Variants in ROBO2 observed in about 807,000 individuals in gnomAD.
ROBO2 encodes the protein roundabout guidance receptor 2.
In ROBO2, 53 loss-of-function variants were observed where a neutral mutation model predicts 160.8. That is an observed-to-expected ratio of 0.33 (90% CI 0.26 to 0.41). ROBO2 has a LOEUF of 0.41. Among genes scored for constraint, ROBO2 ranks in the 10% least tolerant of loss-of-function variants. ROBO2 has a pLI of 1.00. For synonymous variants in ROBO2, 664 were observed against 611.7 expected (o/e 1.09, Z -1.26); for missense variants, 1,577 against 1,722.4 (o/e 0.92, Z 1.49).
chr3:77,048,428 A>G (rs1210146179), intron 1 of ROBO2, among the ~76,000 whole-genome samples: 1 of 152,178 alleles, frequency 6.6e-6, no homozygotes, highest in African/African-American at 2.4e-5. Context: ...CGACGAATGA[A>G]GATAGTAAAC....
At chr3:76,440,728 T>C (rs1194596009) in intron 2 of ROBO2, among the ~76,000 whole-genome samples, 1 of 152,078 alleles carries the variant, frequency 6.6e-6, no homozygotes, top group Non-Finnish European at 1.5e-5. Flanking sequence ...ACTTTCTGCT[T>C]GCCCTAACAA....
chr3:77,344,709 T>C (rs925623700), intron 2 of ROBO2, among the ~76,000 whole-genome samples: 2 of 152,102 alleles, frequency 1.3e-5, no homozygotes, highest in African/African-American at 4.8e-5. Flanking sequence ...AGATAAAAAA[T>C]AGTAAGATCA....
At chr3:77,594,063 A>G (rs1456212929) in intron 17 of ROBO2, among the ~76,000 whole-genome samples, 2 of 152,128 alleles carry the variant, frequency 1.3e-5, no homozygotes, top group African/African-American at 4.8e-5. Context: ...TGCAAGCTGT[A>G]CACTTCTAAA....
At chr3:76,362,945 G>A (rs746705082) in intron 2 of ROBO2, among the ~76,000 whole-genome samples, 1 of 151,916 alleles carries the variant, frequency 6.6e-6, no homozygotes, top group South Asian at 2.1e-4. Context: ...CTAGTCTTGG[G>A]GCAGGTCAGG....
intron 2 of ROBO2, among the ~76,000 whole-genome samples, chr3:77,287,968 T>C (rs1162835290): frequency 3.3e-5 from 5 of 152,188 alleles, no homozygotes; most frequent in Admixed American, 6.5e-5. Flanking sequence ...AGTTGGCTAT[T>C]AGATCTTCAT....
chr3:76,327,994 G>T (rs1323863257), intron 2 of ROBO2, among the ~76,000 whole-genome samples: 1 of 151,992 alleles, frequency 6.6e-6, no homozygotes, highest in Non-Finnish European at 1.5e-5. Flanking sequence ...GCCCTAGATG[G>T]GTTAAATGTG....
rs1175804890 is a variant in ROBO2 at position 76,555,431 on chromosome 3, G to A, written c.110-542583G>A. ...AAGAAGAAGAAGAAAGAAGGAGAAG[G>A]GGAAGGGGAAGAGGAAGAGGAAGAG... On this transcript the variant is annotated intron_variant, in intron 2 of 26. Coordinates refer to the ROBO2 transcript ENST00000487694. Among the ~76,000 whole-genome samples the A allele has an allele frequency of 8.4e-3, 533 of 63,486 alleles. 7 individuals carry two copies. Among genetic ancestry groups the A allele is most frequent in the African/African-American group, 0.025 (500 of 19,802 alleles). 41.6% of individuals were successfully genotyped at this position (63,486 alleles called of 152,430 possible). A position where few individuals can be genotyped will look rare whatever the true frequency, so the allele number is the denominator to read the frequency against.
intron 2 of ROBO2, among the ~76,000 whole-genome samples, chr3:76,341,434 A>C (rs1472909698): frequency 2.7e-5 from 4 of 150,456 alleles, no homozygotes; most frequent in Admixed American, 2.0e-4. Flanking sequence ...AAAAAAAAAA[A>C]AAAAAAAGGA....
chr3:76,490,205 G>A (rs558173392), intron 2 of ROBO2, among the ~76,000 whole-genome samples: 2 of 152,200 alleles, frequency 1.3e-5, no homozygotes, highest in South Asian at 2.1e-4. Context: ...GCTAAAGGAT[G>A]GATCCCCATC....
chr3:76,465,307 G>A (rs964544230), intron 2 of ROBO2, among the ~76,000 whole-genome samples: 3 of 151,896 alleles, frequency 2.0e-5, no homozygotes, highest in South Asian at 2.1e-4. Flanking sequence ...ATGTTAAAAC[G>A]TACATTTCAC....
At position 76,127,760 on chromosome 3, in the gene ROBO2, A is replaced by G. The variant is rs115650880; in HGVS notation, c.109+190158A>G. On this transcript the variant is annotated intron_variant, in intron 2 of 26. Transcript: ENST00000487694. ...ACACTTATAGGCTATGACTTCTTAT[A>G]GGTATAATTACTTTATTACATCAAT... Among the ~76,000 whole-genome samples the G allele has an allele frequency of 3.1e-3, 472 of 152,234 alleles. 2 individuals carry two copies. Among genetic ancestry groups the G allele is most frequent in the African/African-American group, 0.011 (450 of 41,560 alleles).
At chr3:76,269,221 T>TTTA (rs768696781) in intron 2 of ROBO2, among the ~76,000 whole-genome samples, 6 of 152,066 alleles carry the variant, frequency 3.9e-5, no homozygotes, top group Non-Finnish European at 7.4e-5. Context: ...GGATACCCCA[T>TTTA]TTACTCTAAT....
intron 2 of ROBO2, among the ~76,000 whole-genome samples, chr3:77,476,996 A>G (rs2153584924): frequency 6.6e-6 from 1 of 152,220 alleles, no homozygotes; most frequent in African/African-American, 2.4e-5. Context: ...ACTTTCCCTC[A>G]CAGATCATTA....
intron 1 of ROBO2, among the ~76,000 whole-genome samples, chr3:75,927,876 A>G (rs181474533): frequency 4.5e-4 from 69 of 152,084 alleles, no homozygotes; most frequent in African/African-American, 1.4e-3. Flanking sequence ...TGGAGTCTGT[A>G]TAGAAAAAGT....
intron 1 of ROBO2, among the ~76,000 whole-genome samples, chr3:77,096,043 T>G (rs1023169015): frequency 9.2e-5 from 14 of 152,152 alleles, no homozygotes; most frequent in African/African-American, 3.4e-4. Context: ...TAAGAGTTAT[T>G]CCTCTTCAAA....
At chr3:76,816,440 C>A (rs907660782) in intron 2 of ROBO2, among the ~76,000 whole-genome samples, 2 of 151,916 alleles carry the variant, frequency 1.3e-5, no homozygotes, top group East Asian at 3.9e-4. Flanking sequence ...ATCAAGAGAG[C>A]CAAAGCGTGT....
chr3:75,942,798 T>C (rs1361430832), intron 2 of ROBO2, among the ~76,000 whole-genome samples: 1 of 152,182 alleles, frequency 6.6e-6, no homozygotes, highest in Non-Finnish European at 1.5e-5. Flanking sequence ...AAAGACAGTA[T>C]ACTTTTGATT....
At chr3:76,737,144 A>G (rs560127398) in intron 2 of ROBO2, among the ~76,000 whole-genome samples, 2 of 152,352 alleles carry the variant, frequency 1.3e-5, no homozygotes, top group East Asian at 1.9e-4. Context: ...GGAAACTAAT[A>G]TAGTGTTTTT....
At chr3:77,488,974 G>T (rs938529885) in intron 4 of ROBO2, among the ~76,000 whole-genome samples, 2 of 152,146 alleles carry the variant, frequency 1.3e-5, no homozygotes, top group African/African-American at 4.8e-5. Context: ...TTTTCTGTGG[G>T]TAATTATGAA....
Sources: allele counts gnomAD v4.1 joint callset (sites outside exome capture counted in the v4.1 genomes callset), GRCh38; gene constraint gnomAD v4.1.1; transcripts MANE v1.5; gene names NCBI Gene and HGNC (gene_info 2026-07-23, HGNC 2026-07-21).